MUS81: variants seen among roughly 807,000 people sequenced by gnomAD.
MUS81 encodes structure-specific endonuclease subunit MUS81.
Under a neutral mutation model 74.2 loss-of-function variants are expected in MUS81, and 69 were observed. That is an observed-to-expected ratio of 0.93 (90% CI 0.77 to 1.14). MUS81 has a LOEUF of 1.14. Ranked by LOEUF, MUS81 falls within the 50% of genes most tolerant of loss-of-function variation. MUS81 has a pLI of 0.00. For synonymous variants in MUS81, 303 were observed against 300.6 expected, an observed-to-expected ratio of 1.01 and a Z score of -0.08; for missense variants, 711 against 726.5, an observed-to-expected ratio of 0.98 and a Z score of 0.25.
chr11:65,861,595 A>G (rs1859608744), intron 3 of MUS81, 160 bp downstream of exon 3: 8 of 630,328 alleles, frequency 1.3e-5, no homozygotes, highest in Non-Finnish European at 1.9e-5. Context: ...TAACCTGTGA[A>G]TAGAAATATT....
At position 65,860,748 on chromosome 11, in the gene MUS81, G is replaced by T. The variant is rs1434659444; in HGVS notation, c.-6G>T. The T allele has an allele frequency of 6.5e-7, 1 of 1,533,328 alleles. No homozygotes were observed. The highest frequency in any genetic ancestry group is 2.0e-5 in the Admixed American group (1 of 50,864). The allele number at this position is 1,533,328 out of a possible 1,614,324, so 95.0% of individuals were successfully genotyped here. A position where few individuals can be genotyped will look rare whatever the true frequency, so the allele number is the denominator to read the frequency against. On this transcript the variant is annotated 5_prime_UTR_variant, in exon 1 of 16. Transcript: ENST00000308110. ...GTGGAGCGCCGGAGGACCCGCCCTCGGGCTCATGGCGGCCCCGGTCCGCCT... is the reference window on the plus strand; with the variant it reads ...GTGGAGCGCCGGAGGACCCGCCCTCTGGCTCATGGCGGCCCCGGTCCGCCT...
intron 6 of MUS81, 63 bp downstream of exon 6, chr11:65,862,592 C>A: frequency 6.9e-7 from 1 of 1,441,114 alleles, no homozygotes; most frequent in Non-Finnish European, 9.7e-7. Context: ...GCCTTAGAGT[C>A]ACCCAACAAC....
In MUS81 at chr11:65,865,020, C is replaced by A; in HGVS notation, c.1276C>A (p.His426Asn). 1 of 1,613,526 alleles carries A rather than the reference C, an allele frequency of 6.2e-7. No homozygotes were observed. The change falls in exon 13 of 16, where the codon CAC (histidine) becomes AAC (asparagine). Residue 426 changes from histidine to asparagine, a missense_variant. His to Asn is a moderately conservative substitution (Grantham distance 68, BLOSUM62 1). Transcript: ENST00000308110. The stretch of plus-strand genomic sequence containing the variant: ...CCTCAGTCCCTTCTTCCCTCAGGGC[C>A]ACACCCTACGCAGCCGCCCCTGGGG... ...TRGLQRLYQG[H>N]TLRSRPWGTP...
rs759345968 is a variant in MUS81 at position 65,866,083 on chromosome 11, G to A, written c.*31G>A. ...TGCCGTGAAACAGCCCCCAGCCCCC[G>A]TCTGTCCCCCAACCCAGGCTAGCCA... is the stretch of plus-strand genomic sequence containing the variant. On this transcript the variant is annotated 3_prime_UTR_variant, in exon 16 of 16. Coordinates refer to ENST00000308110, the MANE Select transcript of MUS81 (RefSeq NM_025128.5). The A allele has an allele frequency of 1.7e-5, 28 of 1,601,662 alleles. No individual in the cohort carries two copies. Among genetic ancestry groups the A allele is most frequent in the Admixed American group, 1.2e-4 (7 of 57,998 alleles).
rs2298448 is a variant in MUS81 at position 65,863,014 on chromosome 11, G to A, written c.606-51G>A. The A allele has an allele frequency of 1.4e-4, 228 of 1,612,164 alleles. 3 individuals carry two copies. The East Asian group carries it at 5.0e-3, about 35-fold the overall frequency. On this transcript the variant is annotated intron_variant, in intron 6 of 15. Transcript: ENST00000308110. ...CAGCTGGGGGCAGGCAGGAAAGCCT[G>A]CCAGGAATGAGTGAAGAAGGTAGAG... is the stretch of plus-strand genomic sequence containing the variant.
At chr11:65,866,679 A>C (rs1471349107), downstream of MUS81, 3 of 705,450 alleles carry the variant, frequency 4.3e-6, no homozygotes, top group Non-Finnish European at 7.7e-6. Context: ...CGTGGTGCAG[A>C]GCTCCCAGCT....
intron 5 of MUS81, 25 bp downstream of exon 5, chr11:65,862,304 A>G (rs1360347235): frequency 1.2e-6 from 2 of 1,612,608 alleles, no homozygotes; most frequent in Admixed American, 1.7e-5. Flanking sequence ...CAGGGAGGAC[A>G]GGCCCAAGTG....
downstream of MUS81, chr11:65,867,335 G>A (rs752270972): frequency 2.0e-4 from 113 of 562,910 alleles, no homozygotes; most frequent in Middle Eastern, 4.7e-4. Flanking sequence ...GCTAACTGAC[G>A]ATTCAAGGCC....
chr11:65,860,581 C>CT lies in MUS81; in HGVS notation c.-172dup. 1.2e-6 allele frequency: 1 copy of CT among 828,054 alleles called. No individual in the cohort carries two copies. The highest frequency in any genetic ancestry group is 1.9e-6 in the Non-Finnish European group (1 of 527,350). The allele number at this position is 828,054 out of a possible 1,614,324, so 51.3% of individuals were successfully genotyped here. Reference sequence around the variant, plus strand: ...GCAGGGGTGGGAGGGCGGCCGCAGGCTCTCCTCTCGTTAGTGCCCCCTGTG... The same window carrying CT: ...GCAGGGGTGGGAGGGCGGCCGCAGGCTTCTCCTCTCGTTAGTGCCCCCTGTG... On this transcript the variant is annotated 5_prime_UTR_variant, in exon 1 of 16. Transcript: ENST00000308110.
intron 6 of MUS81, 99 bp downstream of exon 6, chr11:65,862,628 G>GT (rs1555040517): frequency 8.3e-6 from 9 of 1,080,460 alleles, no homozygotes; most frequent in South Asian, 1.4e-5. Context: ...TGTTGAGATT[G>GT]GGGGGGGTGG....
Position 65,861,106 on chromosome 11 carries a change from A to G in MUS81, c.265+4A>G. On this transcript the variant is annotated splice_donor_region_variant and intron_variant, in intron 2 of 15. Transcript: ENST00000308110. Reference sequence around the variant, plus strand: ...CAGCGGCACCGAACATCGGGCGGTGAGCGCCTCGGAAAGGGGTCGGTGATC... The same window carrying G: ...CAGCGGCACCGAACATCGGGCGGTGGGCGCCTCGGAAAGGGGTCGGTGATC... 6.2e-7 allele frequency: 1 copy of G among 1,612,180 alleles called. No homozygotes were observed. Among genetic ancestry groups the G allele is most frequent in the Non-Finnish European group, 8.5e-7 (1 of 1,179,874 alleles).
intron 14 of MUS81, chr11:65,865,569 G>A: frequency 1.6e-6 from 1 of 624,678 alleles, no homozygotes; most frequent in Non-Finnish European, 2.8e-6. Context: ...GCTTCCTGGA[G>A]AAGGGGTTGG....
In MUS81 at chr11:65,866,106, C is replaced by A; in HGVS notation, c.*54C>A. 1 of 1,540,106 alleles carries A rather than the reference C, an allele frequency of 6.5e-7. No individual in the cohort carries two copies. The highest frequency in any genetic ancestry group is 8.8e-7 in the Non-Finnish European group (1 of 1,130,282). On this transcript the variant is annotated 3_prime_UTR_variant, in exon 16 of 16. Coordinates refer to ENST00000308110, the MANE Select transcript of MUS81 (RefSeq NM_025128.5). ...CCGTCTGTCCCCCAACCCAGGCTAG[C>A]CAGCCTTTTAACAACATCTTTTGGG...
intron 3 of MUS81, 56 bp from the exon 4 acceptor site, chr11:65,861,891 C>A: frequency 1.4e-6 from 2 of 1,410,452 alleles, no homozygotes; most frequent in Non-Finnish European, 2.0e-6. Context: ...CTGCTGGGGA[C>A]TTATTCAAAG....
At position 65,864,458 on chromosome 11, in the gene MUS81, C is replaced by T. The variant is rs761531956; in HGVS notation, c.1060-39C>T. On this transcript the variant is annotated intron_variant, in intron 10 of 15. Coordinates refer to ENST00000308110, the MANE Select transcript of MUS81 (RefSeq NM_025128.5). ...ATGGATGCCCAGGCATGTGGTCATC[C>T]AGCCTGACCCTCCCTGTCCACTCTG... 17 of 1,572,260 alleles carry T rather than the reference C, an allele frequency of 1.1e-5. No individual in the cohort carries two copies. The South Asian group carries it at 1.7e-4, about 15-fold the overall frequency.
In MUS81 at chr11:65,862,378, G is replaced by A; in HGVS notation, c.520-66G>A. 5.7e-6 allele frequency: 9 copies of A among 1,589,868 alleles called. No homozygotes were observed. In the South Asian group the frequency reaches 6.6e-5, roughly 12 times the overall value. ...GGCCCATGTGTGGCCCATGGCTGGG[G>A]ACACAGGGAACATGGACTTGTGGTG... On this transcript the variant is annotated intron_variant, in intron 5 of 15. Coordinates refer to ENST00000308110, the MANE Select transcript of MUS81 (RefSeq NM_025128.5).
Position 65,865,988 on chromosome 11 carries a change from A to C in MUS81, c.1592A>C (p.Asn531Thr). The C allele has an allele frequency of 6.2e-7, 1 of 1,613,986 alleles. No individual in the cohort carries two copies. Among genetic ancestry groups the C allele is most frequent in the Non-Finnish European group, 8.5e-7 (1 of 1,179,920 alleles). The stretch of plus-strand genomic sequence containing the variant: ...CCTCGCTGCCTCTCTTCCTGCAGGA[A>C]TCTGGGGCCTGCTCTGAGCAGGACC... ...STIKCGRLQR[N>T]LGPALSRTLS... Residue 531 changes from asparagine to threonine, a missense_variant and splice_region_variant, in exon 16 of 16, where the codon AAT becomes ACT. Transcript: ENST00000308110.
chr11:65,862,069 G>A (rs765360134), intron 4 of MUS81, 24 bp downstream of exon 4: 18 of 1,604,144 alleles, frequency 1.1e-5, no homozygotes, highest in Non-Finnish European at 1.5e-5. Flanking sequence ...TACACCGGGA[G>A]GCGGAACCAT....
chr11:65,863,113 G>A lies in MUS81; in HGVS notation c.654G>A (p.Glu218=), dbSNP rs375977081. 40 of 1,614,060 alleles carry A rather than the reference G, an allele frequency of 2.5e-5. No individual in the cohort carries two copies. The highest frequency in any genetic ancestry group is 6.7e-5 in the Admixed American group (4 of 60,008). The part of the protein sequence containing the change: ...EGLELAQKLA[E]SEGLSLLNVG... ...TGGAGCTGGCCCAGAAGTTGGCCGA[G>A]TCAGAAGGCCTGAGCTTGCTGAATG... Residue 218 remains glutamate (E), a synonymous_variant, in exon 7 of 16, where the codon GAG becomes GAA. Transcript: ENST00000308110.
Sources: gnomAD v4.1 joint callset for allele counts on GRCh38, gnomAD v4.1.1 for gene constraint, MANE v1.5 for transcripts, NCBI Gene and HGNC (gene_info 2026-07-23, HGNC 2026-07-21) for gene names.